The following HSD17B12 variants were observed in gnomAD, a reference collection of about 807,000 sequenced individuals.
The protein encoded by HSD17B12 is hydroxysteroid 17-beta dehydrogenase 12.
Under a neutral mutation model 39.3 loss-of-function variants are expected in HSD17B12, and 32 were observed. The ratio of observed to expected loss-of-function variants is 0.81; its 90% CI spans 0.61 to 1.09. The LOEUF is 1.09. HSD17B12 is among the 50% of genes least tolerant of loss of function. HSD17B12 has a pLI of 0.00. For missense variants in HSD17B12, 342 were observed against 382.9 expected (o/e 0.89, Z 0.89); for synonymous variants, 150 against 146.7 (o/e 1.02, Z -0.16).
intron 1 of HSD17B12, among the ~76,000 whole-genome samples, chr11:43,724,398 T>C (rs1358070281): frequency 6.6e-6 from 1 of 152,190 alleles, no homozygotes; most frequent in Admixed American, 6.5e-5. Flanking sequence ...TCATTATCTT[T>C]AAATACATAG....
intron 1 of HSD17B12, among the ~76,000 whole-genome samples, chr11:43,702,270 C>T (rs1046780418): frequency 1.3e-5 from 2 of 152,168 alleles, no homozygotes; most frequent in Admixed American, 6.5e-5. Context: ...TACATCATCT[C>T]CAAACAAGGA....
intron 1 of HSD17B12, among the ~76,000 whole-genome samples, chr11:43,692,203 T>TG (rs1040036119): frequency 9.2e-5 from 14 of 152,212 alleles, no homozygotes; most frequent in African/African-American, 2.9e-4. Flanking sequence ...GTATTTCAAT[T>TG]GGGGGGTCAG....
the HSD17B12 span, chr11:43,569,165 C>T: frequency 6.6e-6 from 1 of 151,894 alleles, no homozygotes; most frequent in Non-Finnish European, 1.5e-5. Context: ...TCCAATTTCA[C>T]TGCCAGTGTG....
intron 1 of HSD17B12, chr11:43,718,788 A>G (rs1950149501): frequency 2.9e-6 from 3 of 1,023,746 alleles, no homozygotes; most frequent in Admixed American, 1.8e-5. Flanking sequence ...CACAAAAAAA[A>G]GAAGACCCGC....
chr11:43,597,824 G>A, the HSD17B12 span, among the ~76,000 whole-genome samples: 1 of 151,894 alleles, frequency 6.6e-6, no homozygotes, highest in Admixed American at 6.6e-5. Context: ...TAGTAGAGAC[G>A]GGGTTTCACT....
the HSD17B12 span, chr11:43,644,999 A>C: frequency 6.6e-6 from 1 of 152,208 alleles, no homozygotes; most frequent in African/African-American, 2.4e-5. Context: ...AGTTCTAGGG[A>C]GCCAGCTCCC....
the HSD17B12 span, among the ~76,000 whole-genome samples, chr11:43,561,625 G>A: frequency 5.3e-5 from 8 of 152,120 alleles, no homozygotes; most frequent in Non-Finnish European, 1.2e-4. Flanking sequence ...TGAGAGTTGT[G>A]TTTTTCAAGC....
At chr11:43,661,495 A>T in the HSD17B12 span, among the ~76,000 whole-genome samples, 1 of 152,230 alleles carries the variant, frequency 6.6e-6, no homozygotes, top group Non-Finnish European at 1.5e-5. Context: ...CAGTAAGTGC[A>T]TGTCTAATAA....
intron 1 of HSD17B12, among the ~76,000 whole-genome samples, chr11:43,690,422 C>T (rs1195719448): frequency 0.026 from 345 of 13,278 alleles, 2 homozygotes; most frequent in Middle Eastern, 0.042. Context: ...TTTTTTTTTT[C>T]TGAGACAGGG....
chr11:43,846,081 G>A (rs1056564306), intron 9 of HSD17B12, among the ~76,000 whole-genome samples: 2 of 152,208 alleles, frequency 1.3e-5, no homozygotes, highest in Non-Finnish European at 2.9e-5. Flanking sequence ...CACTGAGCTT[G>A]GAGTCAGCAG....
chr11:43,597,388 G>C, the HSD17B12 span, among the ~76,000 whole-genome samples: 1 of 152,194 alleles, frequency 6.6e-6, no homozygotes, highest in Non-Finnish European at 1.5e-5. Context: ...GGAAGGATAA[G>C]GAGGAAAAGG....
At chr11:43,682,564 A>C (rs886631172) in intron 1 of HSD17B12, among the ~76,000 whole-genome samples, 14 of 140,336 alleles carry the variant, frequency 1.0e-4, no homozygotes, top group African/African-American at 3.4e-4. Flanking sequence ...AAAAAAAAAA[A>C]AACAGAAAGT....
chr11:43,696,494 A>G (rs1198993807), intron 1 of HSD17B12, among the ~76,000 whole-genome samples: 1 of 152,250 alleles, frequency 6.6e-6, no homozygotes, highest in Non-Finnish European at 1.5e-5. Context: ...CAGAATGGCG[A>G]TTATTAAAAA....
At chr11:43,623,537 A>G in the HSD17B12 span, among the ~76,000 whole-genome samples, 3 of 152,060 alleles carry the variant, frequency 2.0e-5, no homozygotes, top group African/African-American at 7.2e-5. Flanking sequence ...AGATTAAACC[A>G]TTTCTGCATT....
At chr11:43,684,515 G>A (rs1341067989) in intron 1 of HSD17B12, among the ~76,000 whole-genome samples, 2 of 152,236 alleles carry the variant, frequency 1.3e-5, no homozygotes, top group Non-Finnish European at 2.9e-5. Flanking sequence ...ATAAAGTGGA[G>A]ATGATAGATG....
At chr11:43,773,223 T>G (rs1482074431) in intron 3 of HSD17B12, among the ~76,000 whole-genome samples, 2 of 152,230 alleles carry the variant, frequency 1.3e-5, no homozygotes, top group East Asian at 3.8e-4. Flanking sequence ...TGTGGTTTAT[T>G]TATTCATTTT....
chr11:43,754,111 C>T lies in HSD17B12; in HGVS notation c.273C>T (p.Ser91=). The T allele has an allele frequency of 1.2e-6, 2 of 1,608,578 alleles. No individual in the cohort carries two copies. The highest frequency in any genetic ancestry group is 2.2e-5 in the East Asian group (1 of 44,768). The change falls in exon 3 of 11, where the codon TCC becomes TCT. Residue 91 remains serine, a synonymous_variant. Coordinates refer to ENST00000278353, the MANE Select transcript of HSD17B12 (RefSeq NM_016142.3). ...SRSKDKLDQV[S]SEIKEKFKVE... ...CAAAGGATAAACTTGACCAGGTTTC[C>T]AGTGAAATAAGTAAGTTCTCACATC...
At chr11:43,718,842 A>G in intron 1 of HSD17B12, 1 of 866,030 alleles carries the variant, frequency 1.2e-6, no homozygotes, top group Non-Finnish European at 2.0e-6. Context: ...CGACTCCGGA[A>G]GCAGCCCAAA....
the HSD17B12 span, among the ~76,000 whole-genome samples, chr11:43,584,981 G>A: frequency 1.3e-5 from 2 of 152,170 alleles, no homozygotes; most frequent in Non-Finnish European, 2.9e-5. Context: ...AGGGGTGTAG[G>A]CCCTATTCAA....
Sources: allele counts gnomAD v4.1 joint callset (sites outside exome capture counted in the v4.1 genomes callset), GRCh38; gene constraint gnomAD v4.1.1; transcripts MANE v1.5; gene names NCBI Gene and HGNC (gene_info 2026-07-23, HGNC 2026-07-21).